Variants in SLC20A1 observed in about 807,000 individuals in gnomAD.
SLC20A1 encodes solute carrier family 20 member 1.
A neutral mutation model predicts 62.7 loss-of-function variants in SLC20A1; 28 were observed. The ratio of observed to expected loss-of-function variants is 0.45; its 90% CI spans 0.33 to 0.61. The LOEUF (loss-of-function observed/expected upper bound fraction) is 0.61, where lower values mean the gene tolerates loss of function less well. Ranked by LOEUF, SLC20A1 falls within the 20% of genes least tolerant of loss-of-function variation. The pLI is 0.02. For missense variants in SLC20A1, 673 were observed against 838.6 expected (o/e 0.80, Z 2.44); for synonymous variants, 305 against 302.9 (o/e 1.01, Z -0.07).
intron 5 of SLC20A1, among the ~76,000 whole-genome samples, chr2:112,653,968 T>C (rs936346436): frequency 1.5e-4 from 23 of 152,192 alleles, no homozygotes; most frequent in African/African-American, 4.3e-4. Flanking sequence ...GATTTTGTAT[T>C]TTTAGTAGAG....
At chr2:112,660,625 T>TA in intron 9 of SLC20A1, 53 bp downstream of exon 9, 3 of 1,484,606 alleles carry the variant, frequency 2.0e-6, no homozygotes, top group Non-Finnish European at 2.8e-6. Flanking sequence ...TTTTCAGAGA[T>TA]ATAACACTGT....
intron 6 of SLC20A1, 86 bp downstream of exon 6, chr2:112,657,327 G>A (rs1686619016): frequency 2.2e-6 from 3 of 1,352,126 alleles, no homozygotes; most frequent in Non-Finnish European, 3.0e-6. Context: ...TCTATTAGAA[G>A]AGATTGGCAA....
At chr2:112,654,049 C>T (rs994239839) in intron 5 of SLC20A1, among the ~76,000 whole-genome samples, 2 of 152,170 alleles carry the variant, frequency 1.3e-5, no homozygotes, top group African/African-American at 2.4e-5. Context: ...GCCTCAGCCT[C>T]CCAAAGTGCT....
Position 112,647,633 on chromosome 2 carries a change from C to G in SLC20A1, c.476-20C>G. 1 of 1,600,436 alleles carries G rather than the reference C, an allele frequency of 6.2e-7. No homozygotes were observed. The highest frequency in any genetic ancestry group is 8.6e-7 in the Non-Finnish European group (1 of 1,169,426). On this transcript the variant is annotated intron_variant, in intron 3 of 10. Transcript: ENST00000272542. ...TGATTTTCATTATTTGATATTTTTT[C>G]TTAATGTGTTCTATTCCAGTGATGT...
At chr2:112,661,737 C>A (rs1686754235) in intron 10 of SLC20A1, among the ~76,000 whole-genome samples, 1 of 152,132 alleles carries the variant, frequency 6.6e-6, no homozygotes, top group South Asian at 2.1e-4. Flanking sequence ...TTAGTAGACA[C>A]AGGATTTCAC....
chr2:112,657,324 G>C, intron 6 of SLC20A1, 83 bp downstream of exon 6: 1 of 1,359,040 alleles, frequency 7.4e-7, no homozygotes, highest in Non-Finnish European at 1.0e-6. Context: ...AAATCTATTA[G>C]AAGAGATTGG....
Position 112,659,483 on chromosome 2 carries a change from A to G in SLC20A1, c.1328A>G (p.Glu443Gly). The stretch of plus-strand genomic sequence containing the variant: ...GCCAAAGAAGGTGAACAGAAGGGCG[A>G]AGAAATGGAGAAGCTGACATGGCCT... ...FRAKEGEQKG[E>G]EMEKLTWPNA... The change falls in exon 8 of 11, where the codon GAA becomes GGA. Residue 443 changes from glutamate (E) to glycine (G), a missense_variant. By Grantham distance (98) the Glu-to-Gly change is moderately conservative. Transcript: ENST00000272542. 1 of 1,614,258 alleles carries G rather than the reference A, an allele frequency of 6.2e-7. No homozygotes were observed. The highest frequency in any genetic ancestry group is 8.5e-7 in the Non-Finnish European group (1 of 1,180,048).
chr2:112,647,313 C>T lies in SLC20A1; in HGVS notation c.335-11C>T. ...TTGATATTTACTTAATAAAACTTTACTATGTTTCAGGTTCTGCTGTGTGGC... is the reference window on the plus strand; with the variant it reads ...TTGATATTTACTTAATAAAACTTTATTATGTTTCAGGTTCTGCTGTGTGGC... On this transcript the variant is annotated splice_polypyrimidine_tract_variant and intron_variant, in intron 2 of 10. Transcript: ENST00000272542. 6.2e-7 allele frequency: 1 copy of T among 1,609,754 alleles called. No homozygotes were observed. Among genetic ancestry groups the T allele is most frequent in the Non-Finnish European group, 8.5e-7 (1 of 1,178,266 alleles).
chr2:112,658,768 G>A, intron 6 of SLC20A1, 57 bp from the exon 7 acceptor site: 1 of 1,518,784 alleles, frequency 6.6e-7, no homozygotes, highest in South Asian at 1.3e-5. Flanking sequence ...AAGGAGACGT[G>A]GAACAAAGTA....
chr2:112,649,689 A>G (rs1262568422), intron 4 of SLC20A1, among the ~76,000 whole-genome samples: 7 of 152,230 alleles, frequency 4.6e-5, no homozygotes, highest in Non-Finnish European at 8.8e-5. Context: ...TAGGACTGGC[A>G]TCGCACAGAA....
At chr2:112,654,339 C>T (rs1686527147) in intron 5 of SLC20A1, among the ~76,000 whole-genome samples, 1 of 152,158 alleles carries the variant, frequency 6.6e-6, no homozygotes, top group Admixed American at 6.5e-5. Context: ...CCATGATGCT[C>T]TTAACACTCA....
chr2:112,647,424 G>C lies in SLC20A1; in HGVS notation c.435G>C (p.Lys145Asn). The change falls in exon 3 of 11, where the codon AAG (lysine) becomes AAC (asparagine). Residue 145 changes from lysine to asparagine, a missense_variant. By Grantham distance (94) the Lys-to-Asn change is moderately conservative. Coordinates refer to ENST00000272542, the MANE Select transcript of SLC20A1 (RefSeq NM_005415.5). ...CTATTGGTTTCTCCCTCGTGGCAAA[G>C]GGGCAGGAGGGTGTCAAGTGGTCTG... ...GATIGFSLVA[K>N]GQEGVKWSEL... The C allele has an allele frequency of 6.2e-7, 1 of 1,614,110 alleles. No homozygotes were observed.
chr2:112,655,450 TAAAGC>T (rs1313836000), intron 5 of SLC20A1, among the ~76,000 whole-genome samples: 2 of 151,222 alleles, frequency 1.3e-5, no homozygotes, highest in Non-Finnish European at 2.9e-5. Context: ...ACAAGCAAAA[TAAAGC>T]AAAACAAGCA....
At chr2:112,657,717 A>G (rs1376989037) in intron 6 of SLC20A1, among the ~76,000 whole-genome samples, 1 of 152,230 alleles carries the variant, frequency 6.6e-6, no homozygotes. Context: ...TACATGTTGT[A>G]TATAGGCTAG....
chr2:112,648,729 A>G (rs528306260), intron 4 of SLC20A1, among the ~76,000 whole-genome samples: 66 of 152,346 alleles, frequency 4.3e-4, no homozygotes, highest in African/African-American at 1.5e-3. Context: ...AAAACTTGAA[A>G]TATCTTTAGC....
intron 8 of SLC20A1, 67 bp from the exon 9 acceptor site, chr2:112,660,320 C>A: frequency 2.9e-6 from 4 of 1,357,928 alleles, no homozygotes; most frequent in Admixed American, 1.9e-5. Flanking sequence ...GATCATTCAG[C>A]AGATTGGGTC....
In SLC20A1 at chr2:112,646,845, CCAG is replaced by C; in HGVS notation, c.18_20del (p.Ser7del). On this transcript the variant is annotated inframe_deletion, in exon 2 of 11. Coordinates refer to ENST00000272542, the MANE Select transcript of SLC20A1 (RefSeq NM_005415.5). ...CTCCAGAGAATGGCAACGCTGATTA[CCAG>C]TACTACAGCTGCTACCGCCGCTTCT... 1.2e-6 allele frequency: 2 copies of C among 1,608,640 alleles called. No individual in the cohort carries two copies. The highest frequency in any genetic ancestry group is 1.7e-6 in the Non-Finnish European group (2 of 1,176,110).
intron 5 of SLC20A1, among the ~76,000 whole-genome samples, chr2:112,654,527 A>G (rs568813517): frequency 3.3e-5 from 5 of 152,356 alleles, no homozygotes; most frequent in Admixed American, 1.3e-4. Context: ...AATTTCATGT[A>G]TATTTTAGTT....
Position 112,647,035 on chromosome 2 carries a change from T to C in SLC20A1, c.207T>C (p.Phe69=), listed in dbSNP as rs555242556. 9.3e-6 allele frequency: 15 copies of C among 1,614,182 alleles called. No homozygotes were observed. In the South Asian group the frequency reaches 1.5e-4, roughly 17 times the overall value. The change falls in exon 2 of 11, where the codon TTT becomes TTC. Residue 69 remains phenylalanine, a synonymous_variant. Transcript: ENST00000272542. Reference sequence around the variant, plus strand: ...AAGCCTGCATCCTAGCTAGCATCTTTGAAACAGTGGGCTCTGTCTTACTGG... The same window carrying C: ...AAGCCTGCATCCTAGCTAGCATCTTCGAAACAGTGGGCTCTGTCTTACTGG... ...LKQACILASI[F]ETVGSVLLGA... is the part of the protein sequence containing the mutation.
Sources: gnomAD v4.1 joint callset for allele counts (sites outside exome capture counted in the v4.1 genomes callset) on GRCh38, gnomAD v4.1.1 for gene constraint, MANE v1.5 for transcripts, NCBI Gene and HGNC (gene_info 2026-07-23, HGNC 2026-07-21) for gene names.